Variants in CHST3 observed in about 807,000 individuals in gnomAD.
CHST3 encodes the protein carbohydrate sulfotransferase 3.
A neutral mutation model predicts 35.4 loss-of-function variants in CHST3; 20 were observed. That is an observed-to-expected ratio of 0.57 (90% CI 0.40 to 0.82). The LOEUF (loss-of-function observed/expected upper bound fraction) is 0.82, where lower values mean the gene tolerates loss of function less well. Ranked by LOEUF, CHST3 falls within the 40% of genes least tolerant of loss-of-function variation. The pLI is 0.00. For missense variants in CHST3, 693 were observed against 670.1 expected (o/e 1.03, Z -0.38); for synonymous variants, 334 against 295.9 (o/e 1.13, Z -1.32).
At chr10:71,966,160 G>A (rs1430536178) in intron 1 of CHST3, among the ~76,000 whole-genome samples, 2 of 152,188 alleles carry the variant, frequency 1.3e-5, no homozygotes, top group East Asian at 1.9e-4. Flanking sequence ...TGCTGGGCAT[G>A]TGCTGGGGGT....
chr10:72,000,927 C>T (rs1209949566), intron 1 of CHST3, among the ~76,000 whole-genome samples: 2 of 151,966 alleles, frequency 1.3e-5, no homozygotes, highest in Admixed American at 1.3e-4. Flanking sequence ...GGTGATGCAG[C>T]ATGGAAGATG....
intron 1 of CHST3, among the ~76,000 whole-genome samples, chr10:72,000,322 C>A (rs1203705631): frequency 1.3e-5 from 2 of 152,186 alleles, no homozygotes; most frequent in Admixed American, 1.3e-4. Context: ...GTGGAGCAGA[C>A]AGATGAAGCT....
chr10:72,007,697 G>A lies in CHST3; in HGVS notation c.666G>A (p.Arg222=), dbSNP rs768626435. 4 of 1,607,290 alleles carry A rather than the reference G, an allele frequency of 2.5e-6. No homozygotes were observed. In the African/African-American group the frequency reaches 5.3e-5, roughly 21 times the overall value. ...EDHLTQFMFR[R]GSSRSLCEDP... is the part of the protein sequence containing the mutation. ...ACCTGACTCAGTTCATGTTCCGCCG[G>A]GGCTCCAGCCGCTCCCTGTGCGAGG... Residue 222 remains arginine, a synonymous_variant, in exon 3 of 3, where the codon CGG becomes CGA. Transcript: ENST00000373115.
chr10:71,982,573 T>C (rs1296526643), intron 1 of CHST3, among the ~76,000 whole-genome samples: 2 of 152,066 alleles, frequency 1.3e-5, no homozygotes, highest in Non-Finnish European at 2.9e-5. Context: ...GGCAACCTGA[T>C]GAAACCCCTG....
intron 1 of CHST3, among the ~76,000 whole-genome samples, chr10:71,974,650 A>C (rs1839727999): frequency 6.6e-6 from 1 of 152,148 alleles, no homozygotes; most frequent in African/African-American, 2.4e-5. Flanking sequence ...CAAACCATTG[A>C]GTCATTTGGG....
intron 1 of CHST3, among the ~76,000 whole-genome samples, chr10:71,973,517 G>A (rs1839716155): frequency 1.3e-5 from 2 of 152,220 alleles, no homozygotes; most frequent in Admixed American, 6.5e-5. Flanking sequence ...CCAGGGGTGG[G>A]TAGAACTGTT....
intron 1 of CHST3, among the ~76,000 whole-genome samples, chr10:71,991,385 A>AACCG (rs1564528201): frequency 6.6e-6 from 1 of 152,094 alleles, no homozygotes; most frequent in African/African-American, 2.4e-5. Context: ...TTCTTTGGGC[A>AACCG]GTTGCCCTCC....
At chr10:72,006,264 C>G (rs1024589934) in intron 2 of CHST3, among the ~76,000 whole-genome samples, 1 of 152,196 alleles carries the variant, frequency 6.6e-6, no homozygotes, top group Non-Finnish European at 1.5e-5. Context: ...TCTGAGTCTT[C>G]GGTTCCTCTT....
chr10:71,982,440 C>T (rs770896065), intron 1 of CHST3, among the ~76,000 whole-genome samples: 3 of 152,162 alleles, frequency 2.0e-5, no homozygotes, highest in Non-Finnish European at 2.9e-5. Flanking sequence ...TTCTGACATT[C>T]AGAACTGTAC....
intron 1 of CHST3, among the ~76,000 whole-genome samples, chr10:71,999,650 G>T (rs1246331723): frequency 6.6e-6 from 1 of 152,214 alleles, no homozygotes; most frequent in Non-Finnish European, 1.5e-5. Context: ...CAGCCGACTT[G>T]CTGGGACCCC....
At chr10:71,980,032 A>T (rs946677328) in intron 1 of CHST3, among the ~76,000 whole-genome samples, 2 of 152,206 alleles carry the variant, frequency 1.3e-5, no homozygotes, top group Non-Finnish European at 2.9e-5. Context: ...ACATGACTGT[A>T]TCGGATGGGG....
At chr10:71,992,180 T>C (rs1245751407) in intron 1 of CHST3, among the ~76,000 whole-genome samples, 1 of 152,148 alleles carries the variant, frequency 6.6e-6, no homozygotes, top group Non-Finnish European at 1.5e-5. Flanking sequence ...TTTATTTTTT[T>C]TGTTTTTGTT....
chr10:71,973,465 C>G (rs1401923985), intron 1 of CHST3, among the ~76,000 whole-genome samples: 2 of 152,236 alleles, frequency 1.3e-5, no homozygotes, highest in African/African-American at 4.8e-5. Flanking sequence ...TGAGTCGTTT[C>G]CCTGAGCAGA....
Position 72,008,606 on chromosome 10 carries a change from TC to T in CHST3, c.*137del. On this transcript the variant is annotated 3_prime_UTR_variant, in exon 3 of 3. Coordinates refer to ENST00000373115, the MANE Select transcript of CHST3 (RefSeq NM_004273.5). ...TAGCAGTAGGGCCCCCAGCCAGCGC[TC>T]CAGCCAAAGCGGCGGCCCCAGGGTT... 7.0e-7 allele frequency: 1 copy of T among 1,427,404 alleles called. No individual in the cohort carries two copies. Among genetic ancestry groups the T allele is most frequent in the Non-Finnish European group, 9.1e-7 (1 of 1,093,528 alleles). The allele number at this position is 1,427,404 out of a possible 1,614,324, so 88.4% of individuals were successfully genotyped here. A position where few individuals can be genotyped will look rare whatever the true frequency, so the allele number is the denominator to read the frequency against.
intron 2 of CHST3, 38 bp downstream of exon 2, chr10:72,006,020 A>G: frequency 5.1e-6 from 6 of 1,184,372 alleles, no homozygotes; most frequent in East Asian, 7.2e-5. Flanking sequence ...CTTCCTTTCA[A>G]GGTGGGGTGG....
rs1298751834 is a variant in CHST3, at chr10:72,008,547, G to A, written c.*76G>A. Reference sequence around the variant, plus strand: ...TCTGCCGCAGCCCTCGCAGAGGGCGGGTGCACAGCGCCATGAGCGGGCAGC... The same window carrying A: ...TCTGCCGCAGCCCTCGCAGAGGGCGAGTGCACAGCGCCATGAGCGGGCAGC... On this transcript the variant is annotated 3_prime_UTR_variant, in exon 3 of 3. Coordinates refer to ENST00000373115, the MANE Select transcript of CHST3 (RefSeq NM_004273.5). The A allele has an allele frequency of 2.1e-6, 3 of 1,446,694 alleles. No individual in the cohort carries two copies. Among genetic ancestry groups the A allele is most frequent in the African/African-American group, 2.9e-5 (2 of 69,684 alleles). 89.6% of individuals were successfully genotyped at this position (1,446,694 alleles called of 1,614,324 possible).
intron 1 of CHST3, among the ~76,000 whole-genome samples, chr10:71,978,457 C>CT (rs1564525424): frequency 6.6e-6 from 1 of 152,124 alleles, no homozygotes; most frequent in Non-Finnish European, 1.5e-5. Context: ...TGCTGCCAGG[C>CT]TTCCCCGGAC....
At chr10:72,004,370 A>G (rs1840018639) in intron 1 of CHST3, among the ~76,000 whole-genome samples, 1 of 152,156 alleles carries the variant, frequency 6.6e-6, no homozygotes, top group Non-Finnish European at 1.5e-5. Flanking sequence ...ACAAAGTCCC[A>G]GGTGCTCATG....
intron 1 of CHST3, among the ~76,000 whole-genome samples, chr10:71,985,229 T>C (rs4746104): frequency 0.51 from 77,089 of 152,150 alleles, 20,280 homozygotes; most frequent in Non-Finnish European, 0.59. Context: ...TTGGGCCCTG[T>C]AGCAGCACTG....
Sources: allele counts gnomAD v4.1 joint callset (sites outside exome capture counted in the v4.1 genomes callset), GRCh38; gene constraint gnomAD v4.1.1; transcripts MANE v1.5; gene names NCBI Gene and HGNC (gene_info 2026-07-23, HGNC 2026-07-21).